CEL: variants seen among roughly 807,000 people sequenced by gnomAD.
CEL encodes carboxyl ester lipase.
In CEL, 39 loss-of-function variants were observed where a neutral mutation model predicts 57.1. The observed-to-expected ratio is 0.68, with a 90% CI of 0.53 to 0.89. The LOEUF is 0.89. Ranked by LOEUF, CEL falls within the 40% of genes least tolerant of loss-of-function variation. The pLI, the probability that CEL is intolerant of heterozygous loss-of-function variation, is 0.00. For missense variants in CEL, 698 were observed against 915.0 expected, an observed-to-expected ratio of 0.76 and a Z score of 3.06; for synonymous variants, 314 against 396.6, an observed-to-expected ratio of 0.79 and a Z score of 2.48.
rs1564211622 is a variant in CEL, at chr9:133,066,872, GAGCCATC to G, written c.710_716del (p.Ile237ArgfsTer6). On this transcript the variant is annotated frameshift_variant, in exon 6 of 11. Coordinates refer to ENST00000372080, the MANE Select transcript of CEL (RefSeq NM_001807.6). LOFTEE classifies it high-confidence loss of function. This position sits in a 1 kb window ranked among gnomAD's most constrained non-coding sequence, Gnocchi z 4.3. ...CCCTACAACAAGGGCCTCATCCGGC[GAGCCATC>G]AGCCAGAGCGGCGTGGCCCTGAGTC... 1 of 1,612,336 alleles carries G rather than the reference GAGCCATC, an allele frequency of 6.2e-7. No individual in the cohort carries two copies.
rs375100882 is a variant in CEL, at chr9:133,071,012, G to A, written c.1510G>A (p.Val504Met). 7.4e-6 allele frequency: 12 copies of A among 1,613,562 alleles called. No individual in the cohort carries two copies. Among genetic ancestry groups the A allele is most frequent in the African/African-American group, 1.3e-5 (1 of 74,874 alleles). ...TGDPNMGDSA[V>M]PTHWEPYTTE... ...GGACCCCAACATGGGCGACTCGGCTGTGCCCACACACTGGGAACCCTACAC... is the reference window on the plus strand; with the variant it reads ...GGACCCCAACATGGGCGACTCGGCTATGCCCACACACTGGGAACCCTACAC... The change falls in exon 11 of 11, where the codon GTG (valine) becomes ATG (methionine). Residue 504 changes from valine (V) to methionine (M), a missense_variant. This residue lies in a region of CEL where 111 missense variants were observed against 147.3 expected (regional missense o/e 0.75). Transcript: ENST00000372080.
At position 133,071,441 on chromosome 9, in the gene CEL, C is replaced by G. The variant is rs1461682199; in HGVS notation, c.1939C>G (p.Pro647Ala). 18 of 138,574 alleles carry G rather than the reference C, an allele frequency of 1.3e-4. No individual in the cohort carries two copies. Among genetic ancestry groups the G allele is most frequent in the African/African-American group, 1.2e-3 (14 of 11,494 alleles). The allele number at this position is 138,574 out of a possible 1,614,324, so 8.6% of individuals were successfully genotyped here. ...VPPTGDSGAP[P>A]VPPTGDSGAP... is the part of the protein sequence containing the mutation. ...GCCCACGGGTGACTCCGGGGCCCCC[C>G]CCGTGCCGCCCACGGGTGACTCCGG... Residue 647 changes from proline to alanine, a missense_variant, in exon 11 of 11, where the codon CCC (proline) becomes GCC (alanine). Transcript: ENST00000372080.
chr9:133,067,339 C>G (rs1830197467), intron 7 of CEL, 134 bp downstream of exon 7: 2 of 806,916 alleles, frequency 2.5e-6, no homozygotes, highest in Non-Finnish European at 4.2e-6. Flanking sequence ...GCTGGTGTCT[C>G]CCCTCGAAGG....
At chr9:133,063,242 C>T (rs922624689) in intron 1 of CEL, among the ~76,000 whole-genome samples, 2 of 152,212 alleles carry the variant, frequency 1.3e-5, no homozygotes, top group African/African-American at 2.4e-5. Flanking sequence ...GAGAGGCCTT[C>T]GGCAGGTCAT....
intron 4 of CEL, among the ~76,000 whole-genome samples, chr9:133,065,837 A>G (rs966000924): frequency 7.9e-6 from 1 of 126,616 alleles, no homozygotes; most frequent in Non-Finnish European, 1.7e-5. Context: ...CAAGAGTAAA[A>G]CTCTGTCTCA....
intron 7 of CEL, among the ~76,000 whole-genome samples, chr9:133,067,423 G>C (rs1830198582): frequency 6.6e-6 from 1 of 152,048 alleles, no homozygotes. Flanking sequence ...GCCCAGGCTG[G>C]AGTGCAGTGT....
chr9:133,071,778 T>C lies in CEL; in HGVS notation c.*14T>C, dbSNP rs8193023. On this transcript the variant is annotated 3_prime_UTR_variant, in exon 11 of 11. Coordinates refer to ENST00000372080, the MANE Select transcript of CEL (RefSeq NM_001807.6). ...ATTAGGTTTTAGCGTCCCATGAGCC[T>C]TGGTATCAAGAGGCCACAAGAGTGG... The C allele has an allele frequency of 7.0e-4, 1,123 of 1,610,982 alleles. 25 individuals are homozygous for C. The East Asian group carries it at 0.023, about 34-fold the overall frequency.
Position 133,066,833 on chromosome 9 carries a change from C to A in CEL, c.670-5C>A. On this transcript the variant is annotated splice_region_variant and splice_polypyrimidine_tract_variant and intron_variant, in intron 5 of 10. Transcript: ENST00000372080. The surrounding 1 kb of genome is among the most constrained non-coding windows in gnomAD (Gnocchi z 4.3). ...CCTTGGTGACGGGATTTCTGGGTCC[C>A]GTAGACCCTCTCCCCCTACAACAAG... 6.2e-7 allele frequency: 1 copy of A among 1,611,078 alleles called. No individual in the cohort carries two copies.
At chr9:133,063,018 T>G (rs1299159568) in intron 1 of CEL, among the ~76,000 whole-genome samples, 1 of 151,796 alleles carries the variant, frequency 6.6e-6, no homozygotes, top group Non-Finnish European at 1.5e-5. Flanking sequence ...GCCCAGTCCC[T>G]GCCCCCAGCA....
At chr9:133,065,490 G>A (rs1281450898) in intron 4 of CEL, among the ~76,000 whole-genome samples, 2 of 152,156 alleles carry the variant, frequency 1.3e-5, no homozygotes, top group Non-Finnish European at 2.9e-5. Flanking sequence ...GGTCACTTGA[G>A]CGCAGAAGTT....
chr9:133,070,527 G>C lies in CEL; in HGVS notation c.1353G>C (p.Val451=). ...GGATGCCCGTCTACCCCAAATGGGTGGGGGCCGACCATGCAGATGACATTC... is the reference window on the plus strand; with the variant it reads ...GGATGCCCGTCTACCCCAAATGGGTCGGGGCCGACCATGCAGATGACATTC... ...PSRMPVYPKW[V]GADHADDIQY... The change falls in exon 10 of 11, where the codon GTG becomes GTC. Residue 451 remains valine (V), a synonymous_variant. Transcript: ENST00000372080. The C allele has an allele frequency of 5.6e-6, 9 of 1,614,048 alleles. No individual in the cohort carries two copies. Among genetic ancestry groups the C allele is most frequent in the Non-Finnish European group, 7.6e-6 (9 of 1,180,014 alleles).
chr9:133,064,972 G>T, intron 3 of CEL, 68 bp from the exon 4 acceptor site: 1 of 1,598,192 alleles, frequency 6.3e-7, no homozygotes. Flanking sequence ...GCTGCACAGG[G>T]ACAGGGGACC....
chr9:133,070,325 A>G, intron 9 of CEL, 136 bp from the exon 10 acceptor site: 1 of 705,976 alleles, frequency 1.4e-6, no homozygotes, highest in East Asian at 2.7e-5. Context: ...CCCTGGGTGT[A>G]AGAAGCCCCA....
Position 133,071,717 on chromosome 9 carries a change from A to G in CEL, c.2215A>G (p.Thr739Ala). 1.9e-6 allele frequency: 3 copies of G among 1,608,484 alleles called. No individual in the cohort carries two copies. The highest frequency in any genetic ancestry group is 2.2e-5 in the East Asian group (1 of 44,512). The change falls in exon 11 of 11, where the codon ACA becomes GCA. Residue 739 changes from threonine (T) to alanine (A), a missense_variant. By Grantham distance (58) the Thr-to-Ala change is moderately conservative (BLOSUM62 0). Around this residue, in one of 6 missense-constraint regions of CEL, gnomAD observed 238 missense variants for 213.7 expected, o/e 1.11. Transcript: ENST00000372080. Reference protein sequence around the residue: ...GDSEAAPVPPTDDSKEAQMPA... With the variant: ...GDSEAAPVPPADDSKEAQMPA... ...CTCTGAGGCTGCCCCTGTGCCCCCC[A>G]CAGATGACTCCAAGGAAGCTCAGAT...
intron 1 of CEL, among the ~76,000 whole-genome samples, chr9:133,063,481 G>A (rs1235771748): frequency 1.3e-5 from 2 of 152,198 alleles, no homozygotes; most frequent in Admixed American, 6.5e-5. Flanking sequence ...GACCCTGGCT[G>A]GGCCTGGGGG....
chr9:133,071,201 G>A lies in CEL; in HGVS notation c.1699G>A (p.Glu567Lys), dbSNP rs745724303. The change falls in exon 11 of 11, where the codon GAG (glutamate) becomes AAG (lysine). Residue 567 changes from glutamate (E) to lysine (K), a missense_variant. By Grantham distance (56) the Glu-to-Lys change is moderately conservative (BLOSUM62 1). Coordinates refer to ENST00000372080, the MANE Select transcript of CEL (RefSeq NM_001807.6). ...CCCTGTGCCCCCCACAGGGGACTCCGAGGCCACTCCCGTGCCCCCCACGGG... is the reference window on the plus strand; with the variant it reads ...CCCTGTGCCCCCCACAGGGGACTCCAAGGCCACTCCCGTGCCCCCCACGGG... ...ATPVPPTGDSEATPVPPTGDS... is the reference protein window; with the variant it reads ...ATPVPPTGDSKATPVPPTGDS... 16 of 1,602,894 alleles carry A rather than the reference G, an allele frequency of 1.0e-5. No individual in the cohort carries two copies. The highest frequency in any genetic ancestry group is 4.4e-5 in the South Asian group (4 of 90,830).
rs754637390 is a variant in CEL, at chr9:133,064,573, G to A, written c.217+19G>A. The A allele has an allele frequency of 4.6e-5, 74 of 1,613,944 alleles. No individual in the cohort carries two copies. Among genetic ancestry groups the A allele is most frequent in the Non-Finnish European group, 3.8e-5 (45 of 1,179,988 alleles). On this transcript the variant is annotated intron_variant, in intron 2 of 10. Coordinates refer to ENST00000372080, the MANE Select transcript of CEL (RefSeq NM_001807.6). The stretch of plus-strand genomic sequence containing the variant: ...TGGCAAGGTGGGAGTGGGTGGTGCC[G>A]GACTGGCCCTGCGGCGGGGCGGGTG...
In CEL at chr9:133,066,903, TC is replaced by T; in HGVS notation, c.738del (p.Trp247GlyfsTer32). On this transcript the variant is annotated frameshift_variant, in exon 6 of 11. Transcript: ENST00000372080. LOFTEE classifies it high-confidence loss of function. This position sits in a 1 kb window ranked among gnomAD's most constrained non-coding sequence, Gnocchi z 4.3. ...TCAGCCAGAGCGGCGTGGCCCTGAG[TC>T]CCTGGGTCATCCAGAAAAACCCACT... ...AISQSGVALS[P>X]WVIQKNPLFW... 1 of 1,420,464 alleles carries T rather than the reference TC, an allele frequency of 7.0e-7. No homozygotes were observed. Among genetic ancestry groups the T allele is most frequent in the African/African-American group, 1.6e-5 (1 of 62,252 alleles). 88.0% of individuals were successfully genotyped at this position (1,420,464 alleles called of 1,614,324 possible).
chr9:133,068,361 C>T (rs1398532210), intron 7 of CEL, among the ~76,000 whole-genome samples: 2 of 152,096 alleles, frequency 1.3e-5, no homozygotes, highest in Non-Finnish European at 2.9e-5. Flanking sequence ...GAGGGGCTGC[C>T]GCTGAAGAGG....
Sources: allele counts gnomAD v4.1 joint callset (sites outside exome capture counted in the v4.1 genomes callset), GRCh38; gene constraint gnomAD v4.1.1; regional missense constraint gnomAD v4.1.1; non-coding constraint Gnocchi (gnomAD v3.1); transcripts MANE v1.5; gene names NCBI Gene and HGNC (gene_info 2026-07-23, HGNC 2026-07-21).